Variants in RANBP17 observed in about 807,000 individuals in gnomAD.
RANBP17 encodes RAN binding protein 17.
In RANBP17, 158 loss-of-function variants were observed where a neutral mutation model predicts 141.2. The observed-to-expected ratio is 1.12, with a 90% CI of 0.98 to 1.28. The LOEUF (loss-of-function observed/expected upper bound fraction) is 1.28. Ranked by LOEUF, RANBP17 falls within the 50% of genes most tolerant of loss-of-function variation. The pLI is 0.00. For missense variants in RANBP17, 1,438 were observed against 1,290.7 expected, an observed-to-expected ratio of 1.11 and a Z score of -1.75; for synonymous variants, 430 against 450.0, an observed-to-expected ratio of 0.96 and a Z score of 0.56.
At chr5:171,166,140 T>C (rs941357634) in intron 14 of RANBP17, among the ~76,000 whole-genome samples, 1 of 152,166 alleles carries the variant, frequency 6.6e-6, no homozygotes, top group Non-Finnish European at 1.5e-5. Flanking sequence ...GAGCTTACAG[T>C]CTATTATGCA....
chr5:170,982,000 A>T (rs1422715124), intron 14 of RANBP17, among the ~76,000 whole-genome samples: 3 of 152,174 alleles, frequency 2.0e-5, no homozygotes, highest in Non-Finnish European at 2.9e-5. Flanking sequence ...ACAACTGGAG[A>T]TTGTCTCTCC....
At chr5:171,053,446 TA>T (rs1783101605) in intron 14 of RANBP17, among the ~76,000 whole-genome samples, 1 of 152,172 alleles carries the variant, frequency 6.6e-6, no homozygotes, top group South Asian at 2.1e-4. Flanking sequence ...CCTCCCTTGT[TA>T]AATTCATTCC....
intron 14 of RANBP17, among the ~76,000 whole-genome samples, chr5:171,038,977 T>C (rs1034300561): frequency 1.3e-4 from 20 of 152,102 alleles, no homozygotes; most frequent in South Asian, 2.1e-4. Context: ...CATTCCACCA[T>C]TTATGGGCAC....
intron 12 of RANBP17, among the ~76,000 whole-genome samples, chr5:170,925,416 G>A (rs1772837244): frequency 6.6e-6 from 1 of 151,934 alleles, no homozygotes; most frequent in South Asian, 2.1e-4. Context: ...GATCTTATTT[G>A]TAAATTAAAT....
chr5:171,012,146 A>G lies in RANBP17; in HGVS notation c.1710+43769A>G, dbSNP rs367638039. ...TAATATAATTTGTTTAAACAAATAT[A>G]TTTGCCAAGAATACTGTGTGGCTGA... On this transcript the variant is annotated intron_variant, in intron 14 of 27. Coordinates refer to ENST00000523189, the MANE Select transcript of RANBP17 (RefSeq NM_022897.5). Among the ~76,000 whole-genome samples, 59 of 151,858 alleles carry G rather than the reference A, an allele frequency of 3.9e-4. 1 individual carries two copies. In the South Asian group the frequency reaches 0.012, roughly 30 times the overall value.
chr5:171,148,198 C>G (rs968787381), intron 14 of RANBP17, among the ~76,000 whole-genome samples: 9 of 152,032 alleles, frequency 5.9e-5, no homozygotes, highest in Non-Finnish European at 7.4e-5. Flanking sequence ...GCAGCATGCT[C>G]GTTAAGAGTC....
chr5:170,955,468 A>C (rs1252184708), intron 13 of RANBP17, among the ~76,000 whole-genome samples: 2 of 21,488 alleles, frequency 9.3e-5, no homozygotes, highest in African/African-American at 1.7e-4. Context: ...ATATATATCT[A>C]TATATATATA....
chr5:170,892,631 T>TA (rs1769747729), intron 4 of RANBP17, 78 bp downstream of exon 4: 1 of 1,136,554 alleles, frequency 8.8e-7, no homozygotes, highest in Non-Finnish European at 1.2e-6. Context: ...CTTAAAGCGA[T>TA]ATAGTTTGTT....
intron 14 of RANBP17, among the ~76,000 whole-genome samples, chr5:171,072,353 A>G (rs1370786064): frequency 1.3e-5 from 2 of 152,146 alleles, no homozygotes; most frequent in Non-Finnish European, 2.9e-5. Flanking sequence ...GCAGAACTGT[A>G]AGATAGTAAA....
intron 14 of RANBP17, among the ~76,000 whole-genome samples, chr5:171,056,409 A>G (rs973778500): frequency 6.6e-6 from 1 of 152,206 alleles, no homozygotes; most frequent in African/African-American, 2.4e-5. Context: ...AGTCAAAAAC[A>G]TGATTGACAA....
chr5:170,878,103 G>T lies in RANBP17; in HGVS notation c.25G>T (p.Ala9Ser). The part of the protein sequence containing the change: MALHFQSL[A>S]ELEVLCTHLY... ...AATTTTTTTTTCTTTGAAGAGTTTG[G>T]CTGAATTGGAAGTGTTATGTACTCA... Residue 9 changes from alanine to serine, a missense_variant, in exon 2 of 28, where the codon GCT becomes TCT. By Grantham distance (99) the Ala-to-Ser change is moderately conservative (BLOSUM62 1). Coordinates refer to ENST00000523189, the MANE Select transcript of RANBP17 (RefSeq NM_022897.5). The T allele has an allele frequency of 6.5e-7, 1 of 1,545,202 alleles. No individual in the cohort carries two copies. Among genetic ancestry groups the T allele is most frequent in the Non-Finnish European group, 8.7e-7 (1 of 1,146,862 alleles).
At chr5:171,283,134 G>A (rs755798233) in intron 25 of RANBP17, among the ~76,000 whole-genome samples, 4 of 152,110 alleles carry the variant, frequency 2.6e-5, no homozygotes, top group Non-Finnish European at 5.9e-5. Flanking sequence ...GCCATCCCTG[G>A]CTGCTTCCAG....
At chr5:171,127,415 CAAA>C (rs1386247464) in intron 14 of RANBP17, among the ~76,000 whole-genome samples, 2 of 152,026 alleles carry the variant, frequency 1.3e-5, no homozygotes, top group Non-Finnish European at 2.9e-5. Flanking sequence ...TGGAACAAGA[CAAA>C]GAAGAGACGA....
chr5:170,990,560 T>A (rs1299755145), intron 14 of RANBP17, among the ~76,000 whole-genome samples: 1 of 151,968 alleles, frequency 6.6e-6, no homozygotes, highest in Non-Finnish European at 1.5e-5. Flanking sequence ...TTTTGAAAGA[T>A]TAGCATTTTT....
At chr5:170,994,955 A>G (rs1238935400) in intron 14 of RANBP17, among the ~76,000 whole-genome samples, 1 of 152,084 alleles carries the variant, frequency 6.6e-6, no homozygotes, top group Non-Finnish European at 1.5e-5. Context: ...AAATGTTGAT[A>G]ATATTTAGAA....
intron 25 of RANBP17, among the ~76,000 whole-genome samples, chr5:171,288,786 G>A (rs1475450258): frequency 2.6e-5 from 4 of 152,166 alleles, no homozygotes; most frequent in Admixed American, 2.6e-4. Flanking sequence ...CCTACTGTTA[G>A]GTGAAAGTTC....
chr5:171,246,881 A>G (rs896060369), intron 24 of RANBP17, among the ~76,000 whole-genome samples: 3 of 152,076 alleles, frequency 2.0e-5, no homozygotes, highest in African/African-American at 7.2e-5. Flanking sequence ...CATTCTCAGA[A>G]CCATTTGTAT....
intron 25 of RANBP17, among the ~76,000 whole-genome samples, chr5:171,272,413 C>G (rs1581162021): frequency 6.6e-6 from 1 of 152,150 alleles, no homozygotes; most frequent in African/African-American, 2.4e-5. Context: ...TCTGCAAGCA[C>G]TAGCTTAACT....
intron 14 of RANBP17, among the ~76,000 whole-genome samples, chr5:171,063,232 C>A (rs969427688): frequency 3.3e-5 from 5 of 152,046 alleles, no homozygotes; most frequent in African/African-American, 4.8e-5. Context: ...GGAGGAGAGG[C>A]GCTCTGCTTT....
Sources: allele counts gnomAD v4.1 joint callset (sites outside exome capture counted in the v4.1 genomes callset), GRCh38; gene constraint gnomAD v4.1.1; transcripts MANE v1.5; gene names NCBI Gene and HGNC (gene_info 2026-07-23, HGNC 2026-07-21).